Variants in INPP4B observed in about 807,000 individuals in gnomAD.
INPP4B encodes inositol polyphosphate-4-phosphatase type II B.
A neutral mutation model predicts 122.5 loss-of-function variants in INPP4B; 55 were observed. The observed-to-expected ratio is 0.45, with a 90% CI of 0.36 to 0.56. INPP4B has a LOEUF of 0.56. INPP4B is among the 20% of genes least tolerant of loss of function. The probability of loss-of-function intolerance (pLI) is 0.00; values close to 1 mark genes in which losing one functional copy is unlikely to be tolerated. For missense variants in INPP4B, 1,000 were observed against 1,097.7 expected (o/e 0.91, Z 1.26); for synonymous variants, 403 against 388.7 (o/e 1.04, Z -0.43).
At chr4:142,143,191 G>A (rs535086838) in intron 18 of INPP4B, among the ~76,000 whole-genome samples, 42 of 152,132 alleles carry the variant, frequency 2.8e-4, no homozygotes, top group South Asian at 1.5e-3. Flanking sequence ...GACAAAAGTC[G>A]TCAACAAACC....
In INPP4B at chr4:142,826,879, C is replaced by T. The variant is rs572731871; in HGVS notation, c.-254+19330G>A. ...TTATTAAAAGCTCTTGGAAGCTTGT[C>T]GCTGTTGTTGAAATAGCTTTTCCTG... On this transcript the variant is annotated intron_variant, in intron 1 of 25. Coordinates refer to ENST00000262992, the MANE Select transcript of INPP4B (RefSeq NM_001101669.3). Among the ~76,000 whole-genome samples, 142 of 152,316 alleles carry T rather than the reference C, an allele frequency of 9.3e-4. 1 individual carries two copies. The highest frequency in any genetic ancestry group is 3.3e-3 in the African/African-American group (138 of 41,592).
At chr4:142,720,924 G>A (rs1426338059) in intron 2 of INPP4B, among the ~76,000 whole-genome samples, 2 of 142,738 alleles carry the variant, frequency 1.4e-5, no homozygotes, top group East Asian at 4.1e-4. Flanking sequence ...GTGTGTGTGT[G>A]TGTATGATTT....
intron 7 of INPP4B, among the ~76,000 whole-genome samples, chr4:142,356,274 GCAGT>G (rs1205868709): frequency 1.3e-5 from 2 of 148,208 alleles, no homozygotes; most frequent in Non-Finnish European, 3.0e-5. Context: ...AGAGAGGAGA[GCAGT>G]GAGTGTTGAT....
At chr4:142,358,016 T>C (rs1187183169) in intron 7 of INPP4B, among the ~76,000 whole-genome samples, 1 of 152,018 alleles carries the variant, frequency 6.6e-6, no homozygotes, top group Admixed American at 6.6e-5. Flanking sequence ...TATGGTAAAA[T>C]GTTACAATTA....
At chr4:142,216,701 C>T (rs574847218) in intron 12 of INPP4B, among the ~76,000 whole-genome samples, 11 of 151,992 alleles carry the variant, frequency 7.2e-5, no homozygotes, top group Non-Finnish European at 1.0e-4. Flanking sequence ...TTATATACTC[C>T]GAACCTTCCA....
At chr4:142,431,013 T>C (rs1438522994) in intron 4 of INPP4B, among the ~76,000 whole-genome samples, 156 bp downstream of exon 4, 2 of 152,122 alleles carry the variant, frequency 1.3e-5, no homozygotes, top group Admixed American at 1.3e-4. Flanking sequence ...GCCACCAAGG[T>C]AAATAGTGCA....
chr4:142,704,683 T>C (rs574034809), intron 2 of INPP4B, among the ~76,000 whole-genome samples: 1 of 152,332 alleles, frequency 6.6e-6, no homozygotes, highest in East Asian at 1.9e-4. Flanking sequence ...CCCTGCATCT[T>C]TCACGTTCTT....
chr4:142,307,417 T>C (rs1309347989), intron 8 of INPP4B, among the ~76,000 whole-genome samples: 1 of 152,206 alleles, frequency 6.6e-6, no homozygotes, highest in African/African-American at 2.4e-5. Context: ...ATTGAAGCTC[T>C]ACAAAGAGCT....
chr4:142,085,180 T>C (rs781739336), intron 24 of INPP4B, among the ~76,000 whole-genome samples: 4 of 152,208 alleles, frequency 2.6e-5, no homozygotes, highest in Non-Finnish European at 5.9e-5. Flanking sequence ...TTTTGGTAAA[T>C]TATTTCATAT....
chr4:142,253,601 C>T (rs558324390), intron 11 of INPP4B, among the ~76,000 whole-genome samples: 1 of 152,290 alleles, frequency 6.6e-6, no homozygotes, highest in Non-Finnish European at 1.5e-5. Context: ...ACAGACGGCA[C>T]CTGGAAAATC....
chr4:142,486,511 T>G (rs2149761205), intron 2 of INPP4B, among the ~76,000 whole-genome samples: 1 of 152,256 alleles, frequency 6.6e-6, no homozygotes, highest in Non-Finnish European at 1.5e-5. Context: ...GATACAATCT[T>G]TTGTCAAATA....
intron 1 of INPP4B, among the ~76,000 whole-genome samples, chr4:142,770,433 T>A (rs550879227): frequency 1.3e-5 from 2 of 152,230 alleles, no homozygotes; most frequent in African/African-American, 4.8e-5. Flanking sequence ...TTCTGACAGA[T>A]CCTTTTTTTC....
At chr4:142,309,466 A>G (rs958794024) in intron 8 of INPP4B, among the ~76,000 whole-genome samples, 2 of 152,178 alleles carry the variant, frequency 1.3e-5, no homozygotes, top group African/African-American at 4.8e-5. Context: ...TAGATTACAT[A>G]GGATGTTTAA....
intron 14 of INPP4B, among the ~76,000 whole-genome samples, chr4:142,206,687 T>C (rs1842718144): frequency 6.6e-6 from 1 of 152,062 alleles, no homozygotes; most frequent in African/African-American, 2.4e-5. Flanking sequence ...ACGTTGGACA[T>C]AAATATATAC....
In INPP4B at chr4:142,119,820, CACACAT is replaced by C. The variant is rs201942303; in HGVS notation, c.2135+2302_2135+2307del. Among the ~76,000 whole-genome samples, 269 of 28,648 alleles carry C rather than the reference CACACAT, an allele frequency of 9.4e-3. 1 individual carries two copies. The highest frequency in any genetic ancestry group is 0.053 in the East Asian group (49 of 930). 18.8% of individuals were successfully genotyped at this position (28,648 alleles called of 152,430 possible). On this transcript the variant is annotated intron_variant, in intron 21 of 25. Coordinates refer to ENST00000262992, the MANE Select transcript of INPP4B (RefSeq NM_001101669.3). ...ATACACACACACACACACACACACA[CACACAT>C]ACACATATATATACATATATACGTA...
At chr4:142,415,034 A>G (rs1201374086) in intron 5 of INPP4B, among the ~76,000 whole-genome samples, 1 of 152,208 alleles carries the variant, frequency 6.6e-6, no homozygotes, top group Non-Finnish European at 1.5e-5. Context: ...AAGTAAGCGG[A>G]AAAAGAAATG....
intron 20 of INPP4B, among the ~76,000 whole-genome samples, chr4:142,123,082 C>T (rs1797233774): frequency 6.6e-6 from 1 of 152,028 alleles, no homozygotes; most frequent in Admixed American, 6.6e-5. Flanking sequence ...CAGGAGTCCA[C>T]TCTGAAATAA....
chr4:142,836,988 A>T (rs916243719), intron 1 of INPP4B, among the ~76,000 whole-genome samples: 7 of 151,998 alleles, frequency 4.6e-5, no homozygotes, highest in African/African-American at 7.2e-5. Flanking sequence ...CAACATGGTG[A>T]AACCCTGCCT....
chr4:142,285,675 T>G (rs1317115040), intron 9 of INPP4B, among the ~76,000 whole-genome samples: 1 of 151,968 alleles, frequency 6.6e-6, no homozygotes, highest in East Asian at 1.9e-4. Flanking sequence ...AGGATGGACC[T>G]CACGTATCAG....
Sources: gnomAD v4.1 joint callset for allele counts (sites outside exome capture counted in the v4.1 genomes callset) on GRCh38, gnomAD v4.1.1 for gene constraint, MANE v1.5 for transcripts, NCBI Gene and HGNC (gene_info 2026-07-23, HGNC 2026-07-21) for gene names.